The following ZFAND6 variants were observed in gnomAD, a reference collection of about 807,000 sequenced individuals.
ZFAND6 encodes zinc finger AN1-type containing 6.
A neutral mutation model predicts 24.5 loss-of-function variants in ZFAND6; 12 were observed. The observed-to-expected ratio is 0.49, with a 90% CI of 0.31 to 0.79. The LOEUF (loss-of-function observed/expected upper bound fraction) is 0.79. Ranked by LOEUF, ZFAND6 falls within the 30% of genes least tolerant of loss-of-function variation. The probability of loss-of-function intolerance (pLI) is 0.04; values close to 1 mark genes in which losing one functional copy is unlikely to be tolerated. For synonymous variants in ZFAND6, 92 were observed against 81.5 expected, an observed-to-expected ratio of 1.13 and a Z score of -0.69; for missense variants, 207 against 245.9, an observed-to-expected ratio of 0.84 and a Z score of 1.06.
rs532815818 is a variant in ZFAND6 at position 80,067,578 on chromosome 15, A to G, written c.-181+7769A>G. Among the ~76,000 whole-genome samples, 3 of 152,304 alleles carry G rather than the reference A, an allele frequency of 2.0e-5. No homozygotes were observed. In the East Asian group the frequency reaches 5.8e-4, roughly 29 times the overall value. ...TGGTAGCTACCATCCACTTGTGGCT[A>G]TTTAAATAAATTTAAATTTAATTTA... On this transcript the variant is annotated intron_variant, in intron 1 of 6. Coordinates refer to ENST00000261749, the MANE Select transcript of ZFAND6 (RefSeq NM_019006.4).
At chr15:80,069,342 A>G (rs193100535) in intron 1 of ZFAND6, among the ~76,000 whole-genome samples, 2 of 152,172 alleles carry the variant, frequency 1.3e-5, no homozygotes, top group African/African-American at 2.4e-5. Flanking sequence ...TGCATTAATC[A>G]GTGACCTTGT....
At chr15:80,100,062 AAC>A (rs2038955530) in intron 2 of ZFAND6, among the ~76,000 whole-genome samples, 1 of 152,228 alleles carries the variant, frequency 6.6e-6, no homozygotes, top group South Asian at 2.1e-4. Context: ...GTAGATACAT[AAC>A]ACTGTGTAAA....
At chr15:80,067,729 T>C (rs540343707) in intron 1 of ZFAND6, among the ~76,000 whole-genome samples, 32 of 152,188 alleles carry the variant, frequency 2.1e-4, no homozygotes, top group African/African-American at 7.2e-4. Flanking sequence ...TAGATACTTA[T>C]CTTAATTTAT....
At chr15:80,077,348 C>A (rs1264974306) in intron 1 of ZFAND6, among the ~76,000 whole-genome samples, 2 of 152,170 alleles carry the variant, frequency 1.3e-5, no homozygotes, top group African/African-American at 4.8e-5. Flanking sequence ...ACATTACTTA[C>A]AAATAAAATT....
chr15:80,062,382 A>G (rs2036382423), intron 1 of ZFAND6, among the ~76,000 whole-genome samples: 1 of 152,136 alleles, frequency 6.6e-6, no homozygotes, highest in African/African-American at 2.4e-5. Context: ...GGATTTGTTA[A>G]CTCCATATTT....
chr15:80,067,850 G>T (rs1339935550), intron 1 of ZFAND6, among the ~76,000 whole-genome samples: 1 of 152,032 alleles, frequency 6.6e-6, no homozygotes, highest in Non-Finnish European at 1.5e-5. Context: ...TTGATTTCTA[G>T]TACCAAACAA....
chr15:80,128,685 GTA>G (rs1430588088), intron 5 of ZFAND6, among the ~76,000 whole-genome samples: 2 of 152,182 alleles, frequency 1.3e-5, no homozygotes, highest in East Asian at 1.9e-4. Flanking sequence ...AGCCTCATGG[GTA>G]TATAATCGAC....
intron 5 of ZFAND6, chr15:80,130,256 G>T (rs1013641702): frequency 2.0e-5 from 3 of 152,122 alleles, no homozygotes. Context: ...TTTGACCTTG[G>T]TCTTGAAAAA....
At chr15:80,065,492 T>G (rs2036573494) in intron 1 of ZFAND6, among the ~76,000 whole-genome samples, 1 of 151,728 alleles carries the variant, frequency 6.6e-6, no homozygotes, top group South Asian at 2.1e-4. Context: ...AGTCCTCAGA[T>G]TTTTTAGTTT....
chr15:80,101,952 C>G (rs943094713), intron 2 of ZFAND6, among the ~76,000 whole-genome samples: 2 of 151,758 alleles, frequency 1.3e-5, no homozygotes, highest in Admixed American at 1.3e-4. Flanking sequence ...GCCACCACGC[C>G]TGGCTAATTT....
At chr15:80,072,300 T>G (rs2037022893) in intron 1 of ZFAND6, among the ~76,000 whole-genome samples, 1 of 152,106 alleles carries the variant, frequency 6.6e-6, no homozygotes, top group Non-Finnish European at 1.5e-5. Context: ...TTCTGTGAGA[T>G]TTTCATTTTT....
chr15:80,131,507 G>C, intron 6 of ZFAND6: 1 of 468,604 alleles, frequency 2.1e-6, no homozygotes, highest in Non-Finnish European at 3.8e-6. Context: ...TTTTATTTCA[G>C]TTGAATTTAG....
chr15:80,107,078 G>A (rs1326608131), intron 2 of ZFAND6, among the ~76,000 whole-genome samples: 1 of 152,092 alleles, frequency 6.6e-6, no homozygotes, highest in Admixed American at 6.6e-5. Flanking sequence ...AGCCAGGCAT[G>A]GTGGCGGACG....
chr15:80,084,362 C>G (rs2037865293), intron 1 of ZFAND6, among the ~76,000 whole-genome samples: 1 of 152,142 alleles, frequency 6.6e-6, no homozygotes, highest in Non-Finnish European at 1.5e-5. Context: ...TAGGGATGCT[C>G]AACTGTTAAG....
At chr15:80,105,310 GT>G (rs1243463539) in intron 2 of ZFAND6, among the ~76,000 whole-genome samples, 31 of 152,244 alleles carry the variant, frequency 2.0e-4, no homozygotes, top group African/African-American at 7.5e-4. Flanking sequence ...ATCATCTCAG[GT>G]GGAAGTGAGG....
Position 80,078,348 on chromosome 15 carries a change from G to C in ZFAND6, c.-181+18539G>C, listed in dbSNP as rs1289246183. Among the ~76,000 whole-genome samples, 3 of 152,172 alleles carry C rather than the reference G, an allele frequency of 2.0e-5. No individual in the cohort carries two copies. The East Asian group carries it at 5.8e-4, about 29-fold the overall frequency. ...CCTGCATTAATTCACTTAGGATAAT[G>C]GCCTCCAGCCCCATCCATGTTGCTA... On this transcript the variant is annotated intron_variant, in intron 1 of 6. Coordinates refer to ENST00000261749, the MANE Select transcript of ZFAND6 (RefSeq NM_019006.4).
intron 1 of ZFAND6, among the ~76,000 whole-genome samples, chr15:80,068,482 C>T (rs1357892157): frequency 1.3e-5 from 2 of 152,084 alleles, no homozygotes; most frequent in Admixed American, 1.3e-4. Context: ...AGTGATTCTC[C>T]TGCCTCAGCC....
At chr15:80,093,288 A>G (rs1020682820) in intron 1 of ZFAND6, among the ~76,000 whole-genome samples, 25 of 151,900 alleles carry the variant, frequency 1.6e-4, no homozygotes, top group African/African-American at 5.3e-4. Flanking sequence ...TTTTAAATAT[A>G]CAAGTTTTTG....
intron 6 of ZFAND6, among the ~76,000 whole-genome samples, chr15:80,132,426 C>CCATT (rs2040647267): frequency 6.6e-6 from 1 of 151,944 alleles, no homozygotes; most frequent in Non-Finnish European, 1.5e-5. Context: ...ATACATGAAG[C>CCATT]CATTCATAGT....
Sources: gnomAD v4.1 joint callset for allele counts (sites outside exome capture counted in the v4.1 genomes callset) on GRCh38, gnomAD v4.1.1 for gene constraint, MANE v1.5 for transcripts, NCBI Gene and HGNC (gene_info 2026-07-23, HGNC 2026-07-21) for gene names.